Variants in FHIT observed in about 807,000 individuals in gnomAD.
FHIT encodes bis(5'-adenosyl)-triphosphatase.
FHIT carries 19 observed loss-of-function variants against 17.9 expected under a neutral mutation model. The ratio of observed to expected loss-of-function variants is 1.06; its 90% CI spans 0.74 to 1.56. The LOEUF (loss-of-function observed/expected upper bound fraction) is 1.56, where lower values mean the gene tolerates loss of function less well. Among genes scored for constraint, FHIT ranks in the 40% most tolerant of loss-of-function variants. The pLI is 0.00. For missense variants in FHIT, 248 were observed against 189.2 expected (o/e 1.31, Z -1.82); for synonymous variants, 81 against 69.7 (o/e 1.16, Z -0.81).
At chr3:60,399,599 G>C (rs1701583693) in intron 5 of FHIT, among the ~76,000 whole-genome samples, 2 of 152,244 alleles carry the variant, frequency 1.3e-5, no homozygotes, top group Middle Eastern at 3.4e-3. Flanking sequence ...CAATCAGAAA[G>C]GTGAGCAGGT....
At chr3:60,517,517 T>C (rs182431310) in intron 5 of FHIT, among the ~76,000 whole-genome samples, 11 of 152,320 alleles carry the variant, frequency 7.2e-5, no homozygotes, top group Admixed American at 2.0e-4. Context: ...TATGAATTTT[T>C]TGCTCTTCAT....
intron 5 of FHIT, among the ~76,000 whole-genome samples, chr3:60,249,275 A>C (rs1705565492): frequency 6.6e-6 from 1 of 152,150 alleles, no homozygotes; most frequent in Admixed American, 6.5e-5. Flanking sequence ...AGTTGGGGGA[A>C]TGAACTATTA....
At chr3:60,101,207 A>G (rs1156761008) in intron 5 of FHIT, among the ~76,000 whole-genome samples, 2 of 152,210 alleles carry the variant, frequency 1.3e-5, no homozygotes. Context: ...CCTGTGCTTC[A>G]ATGACTTTTC....
intron 1 of FHIT, among the ~76,000 whole-genome samples, chr3:61,216,393 A>T (rs1274943063): frequency 6.6e-6 from 1 of 152,244 alleles, no homozygotes; most frequent in African/African-American, 2.4e-5. Context: ...ACATGAAAAA[A>T]TGCTCACCAT....
rs12493207 is a variant in FHIT at position 60,350,903 on chromosome 3, G to A, written c.103+185957C>T. Among the ~76,000 whole-genome samples, 1,631 of 152,248 alleles carry A rather than the reference G, an allele frequency of 0.011. 52 individuals are homozygous for A. In the East Asian group the frequency reaches 0.11, roughly 10 times the overall value. On this transcript the variant is annotated intron_variant, in intron 5 of 9. Coordinates refer to ENST00000492590, the MANE Select transcript of FHIT (RefSeq NM_002012.4). ...CTCCATCTTGCTAGCAAACTCACTCGAGAGTCTCTCTCCCTTGTTGGCTTT... is the reference window on the plus strand; with the variant it reads ...CTCCATCTTGCTAGCAAACTCACTCAAGAGTCTCTCTCCCTTGTTGGCTTT...
At chr3:60,495,468 T>G (rs1011145530) in intron 5 of FHIT, among the ~76,000 whole-genome samples, 2 of 152,128 alleles carry the variant, frequency 1.3e-5, no homozygotes, top group Admixed American at 1.3e-4. Context: ...AAATATGAGT[T>G]TTTACTCCCA....
chr3:59,836,443 A>T (rs1701342973), intron 8 of FHIT, among the ~76,000 whole-genome samples: 1 of 152,202 alleles, frequency 6.6e-6, no homozygotes, highest in Non-Finnish European at 1.5e-5. Context: ...CAGATGCAGA[A>T]GTACCCAGAA....
chr3:60,296,482 C>T (rs573965632), intron 5 of FHIT, among the ~76,000 whole-genome samples: 1 of 152,104 alleles, frequency 6.6e-6, no homozygotes, highest in Admixed American at 6.6e-5. Context: ...ATGTCTTTTG[C>T]CCATTTTCCA....
intron 4 of FHIT, among the ~76,000 whole-genome samples, chr3:60,573,619 A>G (rs1266403700): frequency 6.6e-6 from 1 of 152,096 alleles, no homozygotes; most frequent in African/African-American, 2.4e-5. Flanking sequence ...AGAAGACAAA[A>G]AAGGCATGCA....
At chr3:60,250,595 G>A (rs901519122) in intron 5 of FHIT, among the ~76,000 whole-genome samples, 1 of 152,158 alleles carries the variant, frequency 6.6e-6, no homozygotes, top group Non-Finnish European at 1.5e-5. Flanking sequence ...TCCAGGGCAT[G>A]GGGCTGAATT....
chr3:60,506,891 A>G (rs2034754363), intron 5 of FHIT, among the ~76,000 whole-genome samples: 1 of 152,212 alleles, frequency 6.6e-6, no homozygotes. Context: ...TTGTTGCCCC[A>G]TAAAAACTGA....
chr3:61,063,597 TC>T (rs1413775060), intron 2 of FHIT, among the ~76,000 whole-genome samples: 1 of 152,152 alleles, frequency 6.6e-6, no homozygotes, highest in African/African-American at 2.4e-5. Context: ...TGTCTGCATG[TC>T]ACTAAAAAGG....
At chr3:60,845,785 T>G (rs1702906762) in intron 3 of FHIT, among the ~76,000 whole-genome samples, 1 of 152,198 alleles carries the variant, frequency 6.6e-6, no homozygotes, top group African/African-American at 2.4e-5. Flanking sequence ...ATTTCACCAT[T>G]AACTCACAGG....
chr3:60,620,027 C>T (rs2039073922), intron 4 of FHIT, among the ~76,000 whole-genome samples: 1 of 152,054 alleles, frequency 6.6e-6, no homozygotes, highest in Non-Finnish European at 1.5e-5. Context: ...CCAAAAAATA[C>T]ATACAGATGG....
At chr3:60,575,135 G>C (rs931287959) in intron 4 of FHIT, among the ~76,000 whole-genome samples, 1 of 151,538 alleles carries the variant, frequency 6.6e-6, no homozygotes, top group Non-Finnish European at 1.5e-5. Flanking sequence ...AGGCAAGGCA[G>C]TAAGTAATAA....
At chr3:60,750,006 T>C (rs2042434486) in intron 4 of FHIT, among the ~76,000 whole-genome samples, 3 of 152,154 alleles carry the variant, frequency 2.0e-5, no homozygotes, top group Admixed American at 2.0e-4. Context: ...CTCTATTTCA[T>C]TAAAACCAAG....
intron 5 of FHIT, among the ~76,000 whole-genome samples, chr3:60,273,090 G>T (rs1706948868): frequency 6.6e-6 from 1 of 152,150 alleles, no homozygotes; most frequent in South Asian, 2.1e-4. Flanking sequence ...CAAAATGCAA[G>T]ATTTACATAA....
chr3:60,418,427 C>CGT (rs1559897417), intron 5 of FHIT, among the ~76,000 whole-genome samples: 1 of 15,954 alleles, frequency 6.3e-5, no homozygotes, highest in African/African-American at 2.1e-4. Context: ...TATATATATA[C>CGT]GTGTATACAC....
intron 2 of FHIT, among the ~76,000 whole-genome samples, chr3:61,183,823 C>T (rs538449148): frequency 1.3e-4 from 20 of 151,114 alleles, no homozygotes; most frequent in Non-Finnish European, 2.7e-4. Flanking sequence ...GGGTTTTTCA[C>T]GTTTACAAAG....
Sources: allele counts gnomAD v4.1 joint callset (sites outside exome capture counted in the v4.1 genomes callset), GRCh38; gene constraint gnomAD v4.1.1; transcripts MANE v1.5; gene names NCBI Gene and HGNC (gene_info 2026-07-23, HGNC 2026-07-21).